ARHGAP15: variants seen among roughly 807,000 people sequenced by gnomAD.
ARHGAP15 encodes the protein Rho GTPase activating protein 15, also known as rho GTPase-activating protein 15.
ARHGAP15 carries 51 observed loss-of-function variants against 63.7 expected under a neutral mutation model. That is an observed-to-expected ratio of 0.80 (90% CI 0.64 to 1.01). ARHGAP15 has a LOEUF of 1.01. Ranked by LOEUF, ARHGAP15 falls within the 50% of genes least tolerant of loss-of-function variation. The probability of loss-of-function intolerance (pLI) is 0.00; values close to 1 mark genes in which losing one functional copy is unlikely to be tolerated. For synonymous variants in ARHGAP15, 191 were observed against 193.8 expected, an observed-to-expected ratio of 0.99 and a Z score of 0.12; for missense variants, 560 against 564.6, an observed-to-expected ratio of 0.99 and a Z score of 0.08.
chr2:143,396,223 T>C (rs1687750314), intron 6 of ARHGAP15, among the ~76,000 whole-genome samples: 1 of 152,180 alleles, frequency 6.6e-6, no homozygotes, highest in African/African-American at 2.4e-5. Context: ...TATTCCGCTG[T>C]GTTTGGGAGC....
At chr2:143,600,952 CAT>C (rs1438134745) in intron 11 of ARHGAP15, among the ~76,000 whole-genome samples, 1 of 152,132 alleles carries the variant, frequency 6.6e-6, no homozygotes, top group Non-Finnish European at 1.5e-5. Flanking sequence ...ATGCATGTCA[CAT>C]TTAAAATATG....
At chr2:143,330,132 C>CAAAAAAAA (rs367621500) in intron 6 of ARHGAP15, among the ~76,000 whole-genome samples, 1,128 of 48,930 alleles carry the variant, frequency 0.023, 42 homozygotes, top group Non-Finnish European at 0.036. Flanking sequence ...AAAAAAAAAA[C>CAAAAAAAA]CAAAAACAAA....
At chr2:143,332,319 G>A (rs1437969197) in intron 6 of ARHGAP15, among the ~76,000 whole-genome samples, 1 of 152,076 alleles carries the variant, frequency 6.6e-6, no homozygotes, top group African/African-American at 2.4e-5. Flanking sequence ...TCCTGGGGTC[G>A]TCTCGATGGT....
rs562602081 is a variant in ARHGAP15, at chr2:143,187,060, C to T, written c.166-15074C>T. ...TAGATCCAAGGATCTAGTGGCCCCT[C>T]ACCCGCTAATAACAGCCAAGAGATT... is the stretch of plus-strand genomic sequence containing the variant. On this transcript the variant is annotated intron_variant, in intron 2 of 13. Coordinates refer to ENST00000295095, the MANE Select transcript of ARHGAP15 (RefSeq NM_018460.4). Among the ~76,000 whole-genome samples, 3 of 152,278 alleles carry T rather than the reference C, an allele frequency of 2.0e-5. No homozygotes were observed. In the South Asian group the frequency reaches 6.2e-4, roughly 32 times the overall value.
intron 13 of ARHGAP15, among the ~76,000 whole-genome samples, chr2:143,720,634 G>A (rs1362734290): frequency 6.6e-6 from 1 of 152,138 alleles, no homozygotes; most frequent in Non-Finnish European, 1.5e-5. Flanking sequence ...TCAAGTGGTG[G>A]ACAATAGGAA....
chr2:143,534,297 C>T (rs1464100918), intron 10 of ARHGAP15, among the ~76,000 whole-genome samples: 1 of 152,154 alleles, frequency 6.6e-6, no homozygotes, highest in Non-Finnish European at 1.5e-5. Context: ...TCTTCCGAGG[C>T]CTCTCCAGCC....
At chr2:143,254,308 C>T (rs1433545747) in intron 6 of ARHGAP15, among the ~76,000 whole-genome samples, 1 of 151,922 alleles carries the variant, frequency 6.6e-6, no homozygotes, top group South Asian at 2.1e-4. Context: ...ACAAGCGGGG[C>T]TACTGTCACC....
chr2:143,463,884 G>T (rs2105166966), intron 8 of ARHGAP15, among the ~76,000 whole-genome samples: 1 of 152,080 alleles, frequency 6.6e-6, no homozygotes, highest in East Asian at 1.9e-4. Flanking sequence ...GCCATTACAG[G>T]CACATTCACT....
intron 6 of ARHGAP15, among the ~76,000 whole-genome samples, chr2:143,293,903 G>T (rs2105127798): frequency 6.6e-6 from 1 of 152,096 alleles, no homozygotes; most frequent in South Asian, 2.1e-4. Context: ...AAGTTCTATA[G>T]TTAAGGCAGA....
At chr2:143,670,140 C>T (rs527744752) in intron 12 of ARHGAP15, among the ~76,000 whole-genome samples, 1 of 152,162 alleles carries the variant, frequency 6.6e-6, no homozygotes, top group South Asian at 2.1e-4. Context: ...AGAATCAGAC[C>T]CCATACAGAA....
At chr2:143,194,204 G>A (rs1691789968) in intron 2 of ARHGAP15, among the ~76,000 whole-genome samples, 1 of 152,076 alleles carries the variant, frequency 6.6e-6, no homozygotes, top group Non-Finnish European at 1.5e-5. Context: ...TCTTGCTATT[G>A]TTTTCTGTTG....
At chr2:143,570,681 A>G (rs966558596) in intron 11 of ARHGAP15, among the ~76,000 whole-genome samples, 1 of 152,222 alleles carries the variant, frequency 6.6e-6, no homozygotes, top group Non-Finnish European at 1.5e-5. Context: ...AATACATAAA[A>G]TGTTAGCATT....
intron 11 of ARHGAP15, among the ~76,000 whole-genome samples, chr2:143,611,331 G>A (rs1698247697): frequency 6.6e-6 from 1 of 152,064 alleles, no homozygotes; most frequent in Non-Finnish European, 1.5e-5. Context: ...GTTTTAGGTG[G>A]TTTTGCAAAA....
At chr2:143,492,587 G>A (rs1194207308) in intron 9 of ARHGAP15, among the ~76,000 whole-genome samples, 1 of 116,698 alleles carries the variant, frequency 8.6e-6, no homozygotes, top group Admixed American at 9.7e-5. Flanking sequence ...AAGAGACCCT[G>A]TCTCTCTACA....
intron 11 of ARHGAP15, among the ~76,000 whole-genome samples, chr2:143,585,325 C>G (rs1314581920): frequency 6.6e-6 from 1 of 151,892 alleles, no homozygotes; most frequent in Non-Finnish European, 1.5e-5. Flanking sequence ...TAAATAACTG[C>G]TATAAAATTT....
At chr2:143,479,446 C>A (rs1691973700) in intron 8 of ARHGAP15, among the ~76,000 whole-genome samples, 1 of 151,976 alleles carries the variant, frequency 6.6e-6, no homozygotes, top group Admixed American at 6.5e-5. Flanking sequence ...GAACCCATTC[C>A]TGTATTTAAT....
intron 3 of ARHGAP15, among the ~76,000 whole-genome samples, chr2:143,213,406 G>A (rs368379271): frequency 3.1e-4 from 47 of 152,048 alleles, no homozygotes; most frequent in African/African-American, 1.1e-3. Context: ...CCAGCTACTC[G>A]GGAGGCTGAG....
At chr2:143,247,873 G>T (rs538283216) in intron 5 of ARHGAP15, among the ~76,000 whole-genome samples, 1 of 152,226 alleles carries the variant, frequency 6.6e-6, no homozygotes, top group East Asian at 1.9e-4. Flanking sequence ...AATCTTAATT[G>T]CTATAAAATT....
At chr2:143,714,575 T>C (rs1349240539) in intron 13 of ARHGAP15, among the ~76,000 whole-genome samples, 11 of 152,244 alleles carry the variant, frequency 7.2e-5, no homozygotes, top group Non-Finnish European at 1.3e-4. Context: ...AGGCTGCAAA[T>C]TTTCTGAACT....
Sources: allele counts gnomAD v4.1 joint callset (sites outside exome capture counted in the v4.1 genomes callset), GRCh38; gene constraint gnomAD v4.1.1; transcripts MANE v1.5; gene names NCBI Gene and HGNC (gene_info 2026-07-23, HGNC 2026-07-21).